The following MECR variants were observed in gnomAD, a reference collection of about 807,000 sequenced individuals.
MECR encodes mitochondrial trans-2-enoyl-CoA reductase, also known as enoyl-[acyl-carrier-protein] reductase, mitochondrial.
Under a neutral mutation model 49.1 loss-of-function variants are expected in MECR, and 37 were observed. The ratio of observed to expected loss-of-function variants is 0.75; its 90% CI spans 0.58 to 0.99. MECR has a LOEUF of 0.99. Ranked by LOEUF, MECR falls within the 50% of genes least tolerant of loss-of-function variation. The pLI, the probability that MECR is intolerant of heterozygous loss-of-function variation, is 0.00. For synonymous variants in MECR, 198 were observed against 191.1 expected, an observed-to-expected ratio of 1.04 and a Z score of -0.30; for missense variants, 470 against 479.6, an observed-to-expected ratio of 0.98 and a Z score of 0.19.
chr1:29,209,842 G>A (rs577209435), intron 3 of MECR, among the ~76,000 whole-genome samples: 76 of 152,242 alleles, frequency 5.0e-4, no homozygotes, highest in Non-Finnish European at 8.8e-4. Context: ...AAAGCTCTTG[G>A]GCATGCCTGC....
the MECR span, among the ~76,000 whole-genome samples, chr1:29,186,262 A>G: frequency 6.6e-6 from 1 of 152,216 alleles, no homozygotes; most frequent in South Asian, 2.1e-4. Context: ...CCTACTTCCT[A>G]AACTAGTTCA....
At chr1:29,180,488 C>T in the MECR span, among the ~76,000 whole-genome samples, 3 of 152,182 alleles carry the variant, frequency 2.0e-5, no homozygotes, top group African/African-American at 7.2e-5. Context: ...ACGGTAGCTA[C>T]CAGTTTTCTC....
At chr1:29,206,292 C>A (rs1676553690) in intron 4 of MECR, among the ~76,000 whole-genome samples, 1 of 152,228 alleles carries the variant, frequency 6.6e-6, no homozygotes, top group Non-Finnish European at 1.5e-5. Flanking sequence ...AATGATGGTA[C>A]CAACCTTACT....
rs138259600 is a variant in MECR at position 29,216,070 on chromosome 1, G to A, written c.341C>T (p.Ala114Val). The A allele has an allele frequency of 2.6e-4, 422 of 1,613,972 alleles. 3 individuals carry two copies. The highest frequency in any genetic ancestry group is 4.9e-4 in the Middle Eastern group (3 of 6,062). The change falls in exon 3 of 10, where the codon GCG (alanine) becomes GTG (valine). Residue 114 changes from alanine to valine, a missense_variant. Transcript: ENST00000263702. The part of the protein sequence containing the change: ...GGNEGVAQVV[A>V]VGSNVTGLKP... ...CAGCCCGGTCACATTGCTGCCCACC[G>A]CTACCACCTGTGCAACACCTTCGTT... is the stretch of plus-strand genomic sequence containing the variant.
the MECR span, among the ~76,000 whole-genome samples, chr1:29,178,994 T>C: frequency 6.6e-6 from 1 of 152,164 alleles, no homozygotes. Context: ...TTCAATGACA[T>C]TTCATGCATA....
intron 3 of MECR, among the ~76,000 whole-genome samples, chr1:29,215,288 A>G (rs1261304564): frequency 2.6e-5 from 4 of 152,204 alleles, no homozygotes; most frequent in Admixed American, 1.3e-4. Context: ...CCATGTATAA[A>G]CAAAATTCAG....
At chr1:29,172,975 TGA>T in the MECR span, 1 of 152,020 alleles carries the variant, frequency 6.6e-6, no homozygotes, top group Non-Finnish European at 1.5e-5. Flanking sequence ...AGAAAATACA[TGA>T]GATAAATTAA....
At chr1:29,177,277 CTTT>C in the MECR span, among the ~76,000 whole-genome samples, 8 of 141,560 alleles carry the variant, frequency 5.7e-5, no homozygotes, top group South Asian at 2.2e-4. Context: ...TACAGTAACT[CTTT>C]TTGTTTTTTT....
intron 3 of MECR, among the ~76,000 whole-genome samples, chr1:29,208,984 G>C (rs1266069863): frequency 6.6e-6 from 1 of 152,240 alleles, no homozygotes; most frequent in East Asian, 1.9e-4. Context: ...CAGATGCAGA[G>C]ATGCTGTAGC....
intron 4 of MECR, among the ~76,000 whole-genome samples, chr1:29,205,343 C>T (rs185162681): frequency 4.6e-5 from 7 of 152,000 alleles, no homozygotes; most frequent in South Asian, 2.1e-4. Flanking sequence ...GCCACCACGC[C>T]GGGCTAATTT....
At chr1:29,185,189 A>C in the MECR span, among the ~76,000 whole-genome samples, 6 of 152,202 alleles carry the variant, frequency 3.9e-5, no homozygotes, top group Admixed American at 2.0e-4. Context: ...CCCAGTGTTG[A>C]GATTACAGGC....
intron 1 of MECR, among the ~76,000 whole-genome samples, chr1:29,229,781 G>A (rs1019780328): frequency 6.6e-6 from 1 of 152,180 alleles, no homozygotes; most frequent in Non-Finnish European, 1.5e-5. Context: ...CAAGTATTTT[G>A]ATTCCCAGAC....
intron 3 of MECR, among the ~76,000 whole-genome samples, chr1:29,208,422 T>C (rs181210001): frequency 1.4e-4 from 22 of 152,330 alleles, no homozygotes; most frequent in African/African-American, 5.1e-4. Context: ...AATGTGTAAA[T>C]AGCACAGGCA....
chr1:29,224,237 C>T (rs1558505820), intron 1 of MECR: 1 of 152,194 alleles, frequency 6.6e-6, no homozygotes, highest in Non-Finnish European at 1.5e-5. Flanking sequence ...CAGTCCCTAC[C>T]TGCAAGCTGC....
In MECR at chr1:29,216,689, A is replaced by C. The variant is rs1679490154; in HGVS notation, c.177-4T>G. ...AGCTAGCTCCAGGTTCTTGAGTCTA[A>C]GCACAAAGCCAAACGGAGATGTTCA... On this transcript the variant is annotated splice_region_variant and splice_polypyrimidine_tract_variant and intron_variant, in intron 1 of 9. Transcript: ENST00000263702. 7 of 1,614,124 alleles carry C rather than the reference A, an allele frequency of 4.3e-6. No homozygotes were observed. Among genetic ancestry groups the C allele is most frequent in the Non-Finnish European group, 1.7e-6 (2 of 1,180,048 alleles).
chr1:29,196,651 G>A (rs1470519271), intron 7 of MECR, among the ~76,000 whole-genome samples: 1 of 152,094 alleles, frequency 6.6e-6, no homozygotes, highest in Non-Finnish European at 1.5e-5. Context: ...TCGCACTACT[G>A]CACTCCAGTC....
chr1:29,205,036 C>A (rs190229231), intron 4 of MECR, among the ~76,000 whole-genome samples: 1 of 152,192 alleles, frequency 6.6e-6, no homozygotes, highest in Admixed American at 6.5e-5. Flanking sequence ...ACAGCCACTG[C>A]GGCTCACGGA....
At chr1:29,221,697 C>A (rs1322885043) in intron 1 of MECR, among the ~76,000 whole-genome samples, 1 of 152,120 alleles carries the variant, frequency 6.6e-6, no homozygotes, top group Non-Finnish European at 1.5e-5. Flanking sequence ...GGAGAGGGGA[C>A]ACAGGTGACC....
chr1:29,222,933 G>A (rs1681131226), intron 1 of MECR, among the ~76,000 whole-genome samples: 1 of 152,222 alleles, frequency 6.6e-6, no homozygotes, highest in Admixed American at 6.5e-5. Context: ...TGTTGTCAAG[G>A]ATACCATTCT....
Sources: allele counts gnomAD v4.1 joint callset (sites outside exome capture counted in the v4.1 genomes callset), GRCh38; gene constraint gnomAD v4.1.1; transcripts MANE v1.5; gene names NCBI Gene and HGNC (gene_info 2026-07-23, HGNC 2026-07-21).